The following RABGAP1L variants were observed in gnomAD, a reference collection of about 807,000 sequenced individuals.
The protein encoded by RABGAP1L is rab GTPase-activating protein 1-like.
In RABGAP1L, 63 loss-of-function variants were observed where a neutral mutation model predicts 137.7. That is an observed-to-expected ratio of 0.46 (90% CI 0.37 to 0.56). The LOEUF (loss-of-function observed/expected upper bound fraction) is 0.56, where lower values mean the gene tolerates loss of function less well. RABGAP1L is among the 20% of genes least tolerant of loss of function. The pLI, the probability that RABGAP1L is intolerant of heterozygous loss-of-function variation, is 0.00. For missense variants in RABGAP1L, 1,095 were observed against 1,244.0 expected, an observed-to-expected ratio of 0.88 and a Z score of 1.80; for synonymous variants, 431 against 433.7, an observed-to-expected ratio of 0.99 and a Z score of 0.08.
chr1:174,977,378 A>G (rs1670736015), intron 22 of RABGAP1L, among the ~76,000 whole-genome samples: 1 of 152,078 alleles, frequency 6.6e-6, no homozygotes, highest in African/African-American at 2.4e-5. Context: ...ACTTCCTGCC[A>G]TCTTTGGGCC....
chr1:174,462,168 T>C (rs946951100), intron 13 of RABGAP1L, among the ~76,000 whole-genome samples: 3 of 152,152 alleles, frequency 2.0e-5, no homozygotes, highest in Non-Finnish European at 4.4e-5. Context: ...CAGGGCTGAA[T>C]AAAATGTTAC....
chr1:174,906,274 CT>C (rs902418780), intron 19 of RABGAP1L, among the ~76,000 whole-genome samples: 2 of 151,786 alleles, frequency 1.3e-5, no homozygotes, highest in African/African-American at 4.8e-5. Flanking sequence ...CCAATTCAAC[CT>C]CCCAAAGGGC....
At chr1:174,303,995 T>C (rs1677964060) in intron 10 of RABGAP1L, among the ~76,000 whole-genome samples, 1 of 152,172 alleles carries the variant, frequency 6.6e-6, no homozygotes. Flanking sequence ...TCTTTCTCCA[T>C]CTCAGGGGGA....
intron 11 of RABGAP1L, among the ~76,000 whole-genome samples, chr1:174,362,372 G>A (rs1399823586): frequency 6.6e-6 from 1 of 152,192 alleles, no homozygotes. Flanking sequence ...CTTCCACAAA[G>A]GCAGAACTAA....
At chr1:174,887,763 C>G (rs1221579965) in intron 19 of RABGAP1L, among the ~76,000 whole-genome samples, 1 of 151,958 alleles carries the variant, frequency 6.6e-6, no homozygotes, top group South Asian at 2.1e-4. Flanking sequence ...AGGCCAGGTG[C>G]GGAGGCTCAC....
At chr1:174,550,533 T>C (rs1421710764) in intron 13 of RABGAP1L, among the ~76,000 whole-genome samples, 1 of 152,132 alleles carries the variant, frequency 6.6e-6, no homozygotes. Context: ...GCATACTGAC[T>C]CATTATTTGT....
intron 19 of RABGAP1L, among the ~76,000 whole-genome samples, chr1:174,816,257 A>G (rs886526637): frequency 6.7e-6 from 1 of 150,034 alleles, no homozygotes; most frequent in Non-Finnish European, 1.5e-5. Flanking sequence ...GATTCAAGCA[A>G]TTCTCCTGCT....
intron 13 of RABGAP1L, among the ~76,000 whole-genome samples, chr1:174,544,497 C>G (rs748897084): frequency 2.0e-5 from 3 of 152,150 alleles, no homozygotes; most frequent in Non-Finnish European, 2.9e-5. Flanking sequence ...AGCCATTCGT[C>G]TAATCTTTCT....
intron 19 of RABGAP1L, among the ~76,000 whole-genome samples, chr1:174,881,492 CTTTTTT>C (rs751296977): frequency 1.9e-4 from 16 of 85,864 alleles, no homozygotes; most frequent in African/African-American, 7.2e-4. Context: ...ATATCATTTG[CTTTTTT>C]TTTTTTTTTT....
intron 13 of RABGAP1L, among the ~76,000 whole-genome samples, chr1:174,439,762 A>G (rs1223392134): frequency 6.6e-6 from 1 of 152,094 alleles, no homozygotes; most frequent in Non-Finnish European, 1.5e-5. Flanking sequence ...TAGCTATTTT[A>G]TGTGCTTTAT....
At chr1:174,238,059 G>A (rs1033807648) in intron 4 of RABGAP1L, among the ~76,000 whole-genome samples, 66 of 151,844 alleles carry the variant, frequency 4.3e-4, no homozygotes, top group African/African-American at 1.4e-3. Context: ...CCAGTTGATC[G>A]CATCGGCTCC....
intron 22 of RABGAP1L, among the ~76,000 whole-genome samples, chr1:174,978,236 C>T (rs1006462763): frequency 2.0e-5 from 3 of 152,162 alleles, no homozygotes; most frequent in African/African-American, 7.2e-5. Context: ...TAACAGGTAC[C>T]TGCCATTATG....
chr1:174,872,584 C>G (rs1480057934), intron 19 of RABGAP1L, among the ~76,000 whole-genome samples: 1 of 149,750 alleles, frequency 6.7e-6, no homozygotes, highest in Non-Finnish European at 1.5e-5. Flanking sequence ...TTTTAAGAGG[C>G]AGCATCTTAT....
At chr1:174,291,108 A>T (rs552853411) in intron 10 of RABGAP1L, among the ~76,000 whole-genome samples, 1 of 152,158 alleles carries the variant, frequency 6.6e-6, no homozygotes, top group Non-Finnish European at 1.5e-5. Context: ...TTGTCTGCCA[A>T]TAAAGGTAGT....
intron 13 of RABGAP1L, among the ~76,000 whole-genome samples, chr1:174,510,876 G>A (rs550103910): frequency 6.6e-6 from 1 of 152,202 alleles, no homozygotes; most frequent in African/African-American, 2.4e-5. Flanking sequence ...TGATTTTCAA[G>A]GCAAACTAAT....
intron 13 of RABGAP1L, among the ~76,000 whole-genome samples, chr1:174,624,834 T>TAATAGGTC (rs1467826500): frequency 1.3e-5 from 2 of 151,310 alleles, no homozygotes; most frequent in Non-Finnish European, 2.9e-5. Context: ...CCACCCTACC[T>TAATAGGTC]AATAGGTCAG....
chr1:174,813,202 A>G (rs919121837), intron 19 of RABGAP1L, among the ~76,000 whole-genome samples: 3 of 152,182 alleles, frequency 2.0e-5, no homozygotes, highest in African/African-American at 7.2e-5. Context: ...TTTTGGAGTA[A>G]TCCTCTTGAG....
At chr1:174,815,983 T>A (rs956625564) in intron 19 of RABGAP1L, among the ~76,000 whole-genome samples, 2 of 152,154 alleles carry the variant, frequency 1.3e-5, no homozygotes, top group Admixed American at 1.3e-4. Flanking sequence ...AGTCAGTTTT[T>A]ATTAAATATC....
intron 10 of RABGAP1L, among the ~76,000 whole-genome samples, chr1:174,281,407 G>A (rs1369228333): frequency 6.6e-6 from 1 of 152,110 alleles, no homozygotes; most frequent in African/African-American, 2.4e-5. Context: ...ACTGACTGGT[G>A]CGTTTTTACA....
Sources: allele counts gnomAD v4.1 joint callset (sites outside exome capture counted in the v4.1 genomes callset), GRCh38; gene constraint gnomAD v4.1.1; transcripts MANE v1.5; gene names NCBI Gene and HGNC (gene_info 2026-07-23, HGNC 2026-07-21).